The following FAXC variants were observed in gnomAD, a reference collection of about 807,000 sequenced individuals.
The protein encoded by FAXC is failed axon connections homolog, metaxin like GST domain containing.
A neutral mutation model predicts 41.9 loss-of-function variants in FAXC; 10 were observed. That is an observed-to-expected ratio of 0.24 (90% CI 0.15 to 0.41). FAXC has a LOEUF of 0.41. Ranked by LOEUF, FAXC falls within the 10% of genes least tolerant of loss-of-function variation. The pLI, the probability that FAXC is intolerant of heterozygous loss-of-function variation, is 1.00. For synonymous variants in FAXC, 183 were observed against 183.8 expected (o/e 1.00, Z 0.03); for missense variants, 399 against 510.9 (o/e 0.78, Z 2.11).
chr6:99,289,220 A>T (rs917595273), intron 5 of FAXC, among the ~76,000 whole-genome samples: 6 of 152,162 alleles, frequency 3.9e-5, no homozygotes, highest in African/African-American at 1.4e-4. Context: ...GCCCCCAGGC[A>T]CTTGCTTAGG....
chr6:99,316,791 C>G (rs1772373755), intron 4 of FAXC, among the ~76,000 whole-genome samples: 1 of 152,146 alleles, frequency 6.6e-6, no homozygotes, highest in Admixed American at 6.6e-5. Context: ...AAGTGATCAC[C>G]CAAATAGCTA....
At chr6:99,320,425 T>C (rs1215118315) in intron 4 of FAXC, among the ~76,000 whole-genome samples, 1 of 152,250 alleles carries the variant, frequency 6.6e-6, no homozygotes, top group African/African-American at 2.4e-5. Context: ...GTAGTTTGAA[T>C]TTCATTTATT....
chr6:99,305,920 C>T (rs1049002710), intron 4 of FAXC, among the ~76,000 whole-genome samples: 2 of 152,056 alleles, frequency 1.3e-5, no homozygotes, highest in Non-Finnish European at 2.9e-5. Context: ...GACAAGGTCA[C>T]TGCTCTCACG....
chr6:99,311,003 A>G (rs942249509), intron 4 of FAXC, among the ~76,000 whole-genome samples: 5 of 152,242 alleles, frequency 3.3e-5, no homozygotes, highest in African/African-American at 1.2e-4. Context: ...CTTAAAAACA[A>G]AAACAATTTT....
chr6:99,348,816 C>T (rs1011874569), intron 1 of FAXC, among the ~76,000 whole-genome samples: 1 of 152,258 alleles, frequency 6.6e-6, no homozygotes, highest in Non-Finnish European at 1.5e-5. Flanking sequence ...TGCAAACACA[C>T]TGCACTTAGA....
At chr6:99,289,040 T>C (rs778015947) in intron 5 of FAXC, among the ~76,000 whole-genome samples, 3 of 152,150 alleles carry the variant, frequency 2.0e-5, no homozygotes, top group African/African-American at 4.8e-5. Flanking sequence ...CATCCATCCA[T>C]TGACCCATCC....
rs221539 is a variant in FAXC, at chr6:99,280,769, C to T, written c.*395G>A. ...ATTTTTCTGATGATATCTCTCATTACTTCAAATCCTGGTGGAGGAAGGAGG... is the reference window on the plus strand; with the variant it reads ...ATTTTTCTGATGATATCTCTCATTATTTCAAATCCTGGTGGAGGAAGGAGG... On this transcript the variant is annotated 3_prime_UTR_variant, in exon 6 of 6. Coordinates refer to ENST00000389677, the MANE Select transcript of FAXC (RefSeq NM_032511.4). The T allele has an allele frequency of 5.3e-3, 1,002 of 190,328 alleles. 9 individuals carry two copies. The highest frequency in any genetic ancestry group is 0.023 in the African/African-American group (973 of 42,370). 11.8% of individuals were successfully genotyped at this position (190,328 alleles called of 1,614,324 possible). A position where few individuals can be genotyped will look rare whatever the true frequency, so the allele number is the denominator to read the frequency against.
At chr6:99,326,601 G>C (rs771423317) in intron 3 of FAXC, among the ~76,000 whole-genome samples, 3 of 152,136 alleles carry the variant, frequency 2.0e-5, no homozygotes, top group Non-Finnish European at 4.4e-5. Flanking sequence ...TGGTGAGCAG[G>C]GGCATGTTGG....
chr6:99,297,907 C>T (rs755182766), intron 4 of FAXC, among the ~76,000 whole-genome samples: 2 of 152,154 alleles, frequency 1.3e-5, no homozygotes, highest in Non-Finnish European at 2.9e-5. Context: ...CCCAGAGGGG[C>T]GAATTGCTTA....
At position 99,276,508 on chromosome 6, in the gene FAXC, T is replaced by C. The variant is rs1770628688; in HGVS notation, c.*4656A>G. The C allele has an allele frequency of 6.6e-6, 1 of 152,236 alleles. No homozygotes were observed. 9.4% of individuals were successfully genotyped at this position (152,236 alleles called of 1,614,324 possible). A position where few individuals can be genotyped will look rare whatever the true frequency, so the allele number is the denominator to read the frequency against. On this transcript the variant is annotated 3_prime_UTR_variant, in exon 6 of 6. Coordinates refer to ENST00000389677, the MANE Select transcript of FAXC (RefSeq NM_032511.4). The stretch of plus-strand genomic sequence containing the variant: ...CCTATGACTTTCAAAATTCCAAACC[T>C]CTAAAACAAAATTTTCTCAAATAAC...
rs147852055 is a variant in FAXC at position 99,318,306 on chromosome 6, C to CACACACACACAA, written c.823+5137_823+5138insTTGTGTGTGTGT. On this transcript the variant is annotated intron_variant, in intron 4 of 5. Transcript: ENST00000389677. ...ACACACACACACACACACACACACACAAAATAGAAGAAATGGAAAATATAT... is the reference window on the plus strand; with the variant it reads ...ACACACACACACACACACACACACACACACACACACAAAAAATAGAAGAAATGGAAAATATAT... Among the ~76,000 whole-genome samples the CACACACACACAA allele has an allele frequency of 2.4e-3, 323 of 135,304 alleles. 2 individuals carry two copies. Among genetic ancestry groups the CACACACACACAA allele is most frequent in the Admixed American group, 4.6e-3 (63 of 13,726 alleles). 88.8% of individuals were successfully genotyped at this position (135,304 alleles called of 152,430 possible).
intron 4 of FAXC, among the ~76,000 whole-genome samples, chr6:99,308,588 C>T (rs1211072474): frequency 7.0e-6 from 1 of 142,268 alleles, no homozygotes; most frequent in Non-Finnish European, 1.5e-5. Flanking sequence ...TGCATCCAGA[C>T]ATGAAAGAGT....
intron 4 of FAXC, among the ~76,000 whole-genome samples, chr6:99,307,156 T>C (rs1771957118): frequency 6.6e-6 from 1 of 152,172 alleles, no homozygotes; most frequent in Admixed American, 6.5e-5. Flanking sequence ...GGTAGGGTAT[T>C]ATTTACCCTT....
In FAXC at chr6:99,281,442, T is replaced by G; in HGVS notation, c.952A>C (p.Asn318His). 2 of 1,612,620 alleles carry G rather than the reference T, an allele frequency of 1.2e-6. No homozygotes were observed. Among genetic ancestry groups the G allele is most frequent in the Non-Finnish European group, 8.5e-7 (1 of 1,178,758 alleles). ...ATCCTCTCACAGTACATGGCAAGGT[T>G]GATCAGCTCACCTGCAGTGTGGTAA... ...PERLIKGELINLAMYCERIRR... is the reference protein window; with the variant it reads ...PERLIKGELIHLAMYCERIRR... The change falls in exon 6 of 6, where the codon AAC (asparagine) becomes CAC (histidine). Residue 318 changes from asparagine (N) to histidine (H), a missense_variant. Coordinates refer to ENST00000389677, the MANE Select transcript of FAXC (RefSeq NM_032511.4).
rs552466649 is a variant in FAXC at position 99,313,610 on chromosome 6, AG to A, written c.823+9833del. Among the ~76,000 whole-genome samples the A allele has an allele frequency of 1.1e-4, 17 of 152,322 alleles. No homozygotes were observed. In the South Asian group the frequency reaches 3.5e-3, roughly 32 times the overall value. On this transcript the variant is annotated intron_variant, in intron 4 of 5. Coordinates refer to ENST00000389677, the MANE Select transcript of FAXC (RefSeq NM_032511.4). ...AGTTTCACCCTATGGCACCATGTTT[AG>A]AAAAACTTTCCTAAGCTCAACATTC...
intron 4 of FAXC, among the ~76,000 whole-genome samples, chr6:99,302,172 A>G (rs1029182147): frequency 6.6e-6 from 1 of 152,192 alleles, no homozygotes; most frequent in Non-Finnish European, 1.5e-5. Flanking sequence ...TCACTGGCTC[A>G]TGGCCAAAGA....
chr6:99,316,166 C>G (rs966805802), intron 4 of FAXC, among the ~76,000 whole-genome samples: 2 of 134,998 alleles, frequency 1.5e-5, no homozygotes, highest in East Asian at 4.2e-4. Flanking sequence ...CGCCCCCCCC[C>G]ACCCACAAGG....
rs1772675873 is a variant in FAXC, at chr6:99,323,646, C to A, written c.621G>T (p.Trp207Cys). The change falls in exon 4 of 6, where the codon TGG (tryptophan) becomes TGT (cysteine). Residue 207 changes from tryptophan (W) to cysteine (C), a missense_variant. Trp to Cys is a radical substitution (Grantham distance 215). Coordinates refer to ENST00000389677, the MANE Select transcript of FAXC (RefSeq NM_032511.4). ...TCCGGGTCTCATTGAGATTGTCCAC[C>A]CACTGGCAATAAGCTAATGTCCTGG... is the stretch of plus-strand genomic sequence containing the variant. ...HFYWTLAYCQ[W>C]VDNLNETRKM... is the part of the protein sequence containing the mutation. 1 of 1,614,044 alleles carries A rather than the reference C, an allele frequency of 6.2e-7. No homozygotes were observed. The highest frequency in any genetic ancestry group is 2.2e-5 in the East Asian group (1 of 44,904).
At chr6:99,348,396 A>AT (rs2128466868) in intron 1 of FAXC, among the ~76,000 whole-genome samples, 2 of 152,316 alleles carry the variant, frequency 1.3e-5, no homozygotes, top group Admixed American at 1.3e-4. Context: ...ATTTTCTGGT[A>AT]TTTCCAACTC....
Sources: allele counts gnomAD v4.1 joint callset (sites outside exome capture counted in the v4.1 genomes callset), GRCh38; gene constraint gnomAD v4.1.1; transcripts MANE v1.5; gene names NCBI Gene and HGNC (gene_info 2026-07-23, HGNC 2026-07-21).